The following KCNMA1 variants were observed in gnomAD, a reference collection of about 807,000 sequenced individuals.
KCNMA1 encodes Calcium-activated potassium channel subunit alpha-1.
KCNMA1 carries 29 observed loss-of-function variants against 140.0 expected under a neutral mutation model. That is an observed-to-expected ratio of 0.21 (90% CI 0.15 to 0.28). The LOEUF (loss-of-function observed/expected upper bound fraction) is 0.28. Among genes scored for constraint, KCNMA1 ranks in the 10% least tolerant of loss-of-function variants. KCNMA1 has a pLI of 1.00. For synonymous variants in KCNMA1, 612 were observed against 611.9 expected, an observed-to-expected ratio of 1.00 and a Z score of 0.00; for missense variants, 880 against 1,602.2, an observed-to-expected ratio of 0.55 and a Z score of 7.70.
At chr10:76,907,345 T>C (rs1010092270) in intron 25 of KCNMA1, among the ~76,000 whole-genome samples, 1 of 152,220 alleles carries the variant, frequency 6.6e-6, no homozygotes, top group African/African-American at 2.4e-5. Flanking sequence ...ATGATATAGA[T>C]GCTTGTGCAA....
chr10:77,141,735 T>C (rs541648746), intron 5 of KCNMA1, among the ~76,000 whole-genome samples: 87 of 152,274 alleles, frequency 5.7e-4, no homozygotes, highest in African/African-American at 1.9e-3. Flanking sequence ...AGGGGAAACA[T>C]TAAAAATATA....
intron 5 of KCNMA1, among the ~76,000 whole-genome samples, chr10:77,147,091 A>C (rs1053463932): frequency 6.6e-6 from 1 of 152,242 alleles, no homozygotes; most frequent in Admixed American, 6.5e-5. Context: ...CTCGACTTGC[A>C]AGCCAGTGAT....
chr10:76,875,097 C>G (rs1274654976), downstream of KCNMA1: 3 of 152,168 alleles, frequency 2.0e-5, no homozygotes, highest in Non-Finnish European at 4.4e-5. Context: ...TAGGAACAAG[C>G]CAGGGAGAAG....
chr10:76,895,106 C>T (rs2041929792), intron 25 of KCNMA1, among the ~76,000 whole-genome samples: 1 of 152,162 alleles, frequency 6.6e-6, no homozygotes, highest in Non-Finnish European at 1.5e-5. Context: ...AATCCCTATC[C>T]TTTTTTGTTC....
chr10:77,323,788 G>C (rs2083064885), intron 2 of KCNMA1, among the ~76,000 whole-genome samples: 1 of 152,196 alleles, frequency 6.6e-6, no homozygotes, highest in South Asian at 2.1e-4. Flanking sequence ...AGGCCTGTTG[G>C]ATCTTTTTCC....
At chr10:77,282,003 G>T (rs1326302070) in intron 2 of KCNMA1, among the ~76,000 whole-genome samples, 1 of 152,160 alleles carries the variant, frequency 6.6e-6, no homozygotes, top group Admixed American at 6.6e-5. Flanking sequence ...CTCAGTTTGG[G>T]TTAACAGGGA....
At chr10:77,414,959 G>A (rs1033101063) in intron 1 of KCNMA1, among the ~76,000 whole-genome samples, 1 of 152,206 alleles carries the variant, frequency 6.6e-6, no homozygotes, top group Admixed American at 6.5e-5. Flanking sequence ...CAAGAACAGA[G>A]ATGGAATCTC....
chr10:77,219,446 G>A (rs2048857900), intron 3 of KCNMA1, among the ~76,000 whole-genome samples: 1 of 152,106 alleles, frequency 6.6e-6, no homozygotes, highest in African/African-American at 2.4e-5. Flanking sequence ...CCAGCCTGGG[G>A]TCTTGGGTTC....
At chr10:77,319,914 C>T (rs541386370) in intron 2 of KCNMA1, among the ~76,000 whole-genome samples, 95 of 152,324 alleles carry the variant, frequency 6.2e-4, no homozygotes, top group African/African-American at 2.2e-3. Context: ...TTGTGTTATG[C>T]CACTGTGGGG....
chr10:77,268,317 G>A (rs2063973367), intron 2 of KCNMA1, among the ~76,000 whole-genome samples: 1 of 152,232 alleles, frequency 6.6e-6, no homozygotes, highest in South Asian at 2.1e-4. Flanking sequence ...CCTACACACA[G>A]GCACACACAC....
intron 14 of KCNMA1, among the ~76,000 whole-genome samples, chr10:77,062,408 C>T (rs1595057068): frequency 6.6e-6 from 1 of 152,210 alleles, no homozygotes; most frequent in Admixed American, 6.5e-5. Context: ...CCGTCCGGAT[C>T]TCACTCCCCT....
chr10:77,304,926 C>G (rs569331604), intron 2 of KCNMA1, among the ~76,000 whole-genome samples: 7 of 152,294 alleles, frequency 4.6e-5, no homozygotes, highest in African/African-American at 1.7e-4. Context: ...AAGTCAATAT[C>G]GGACATGAGT....
At chr10:77,181,395 A>G (rs1483864674) in intron 5 of KCNMA1, among the ~76,000 whole-genome samples, 2 of 152,196 alleles carry the variant, frequency 1.3e-5, no homozygotes, top group South Asian at 2.1e-4. Flanking sequence ...CCTGTTAACA[A>G]CTCATCCATA....
At chr10:77,211,997 G>A (rs187046913) in intron 3 of KCNMA1, among the ~76,000 whole-genome samples, 3 of 152,298 alleles carry the variant, frequency 2.0e-5, no homozygotes, top group Non-Finnish European at 4.4e-5. Context: ...CACTGTTGGT[G>A]GGAATGTAAA....
chr10:77,376,948 A>AATAAATACATACATAC lies in KCNMA1; in HGVS notation c.540+26913_540+26914insGTATGTATGTATTTAT, dbSNP rs139166652. On this transcript the variant is annotated intron_variant, in intron 2 of 27. Coordinates refer to ENST00000286628, the MANE Select transcript of KCNMA1 (RefSeq NM_001161352.2). ...GCAAGATTCCCTCTCAAAATAAATA[A>AATAAATACATACATAC]ATACATACATACATACATACATACA... Among the ~76,000 whole-genome samples, 223 of 148,426 alleles carry AATAAATACATACATAC rather than the reference A, an allele frequency of 1.5e-3. 1 individual carries two copies. In the East Asian group the frequency reaches 0.024, roughly 16 times the overall value.
At chr10:77,534,402 A>T (rs1261051437) in intron 1 of KCNMA1, among the ~76,000 whole-genome samples, 1 of 152,198 alleles carries the variant, frequency 6.6e-6, no homozygotes, top group Non-Finnish European at 1.5e-5. Context: ...GAAATAATTT[A>T]AAAAATTGGT....
intron 19 of KCNMA1, among the ~76,000 whole-genome samples, chr10:76,993,125 C>T (rs932427043): frequency 2.6e-5 from 4 of 152,336 alleles, no homozygotes; most frequent in Admixed American, 2.6e-4. Context: ...CTCCCACTTG[C>T]TTTGTGTCTG....
intron 5 of KCNMA1, among the ~76,000 whole-genome samples, chr10:77,131,456 T>C (rs2097855863): frequency 6.6e-6 from 1 of 151,834 alleles, no homozygotes; most frequent in Non-Finnish European, 1.5e-5. Flanking sequence ...GGCGTAACAC[T>C]GAGAGAACAA....
intron 2 of KCNMA1, among the ~76,000 whole-genome samples, chr10:77,317,085 C>G (rs535731228): frequency 6.6e-6 from 1 of 152,168 alleles, no homozygotes; most frequent in African/African-American, 2.4e-5. Flanking sequence ...TATCACACAG[C>G]GTCACGTACC....
Sources: gnomAD v4.1 joint callset for allele counts (sites outside exome capture counted in the v4.1 genomes callset) on GRCh38, gnomAD v4.1.1 for gene constraint, MANE v1.5 for transcripts, NCBI Gene and HGNC (gene_info 2026-07-23, HGNC 2026-07-21) for gene names.